The following CLSTN2 variants were observed in gnomAD, a reference collection of about 807,000 sequenced individuals.
The protein encoded by CLSTN2 is calsyntenin 2.
A neutral mutation model predicts 101.2 loss-of-function variants in CLSTN2; 48 were observed. The ratio of observed to expected loss-of-function variants is 0.47; its 90% confidence interval spans 0.38 to 0.60. CLSTN2 has a LOEUF of 0.60. Ranked by LOEUF, CLSTN2 falls within the 20% of genes least tolerant of loss-of-function variation. The pLI, the probability that CLSTN2 is intolerant of heterozygous loss-of-function variation, is 0.00. For synonymous variants in CLSTN2, 481 were observed against 463.6 expected, an observed-to-expected ratio of 1.04 and a Z score of -0.48; for missense variants, 1,160 against 1,238.2, an observed-to-expected ratio of 0.94 and a Z score of 0.95.
At chr3:140,435,125 T>C (rs2088673310) in intron 5 of CLSTN2, among the ~76,000 whole-genome samples, 1 of 152,210 alleles carries the variant, frequency 6.6e-6, no homozygotes, top group Non-Finnish European at 1.5e-5. Context: ...TTGACTATAG[T>C]CACCTTCCTC....
chr3:140,092,481 T>C (rs2008795358), intron 1 of CLSTN2, among the ~76,000 whole-genome samples: 1 of 152,178 alleles, frequency 6.6e-6, no homozygotes, highest in South Asian at 2.1e-4. Context: ...ATTTTATTCA[T>C]GGGCAATTAA....
intron 8 of CLSTN2, among the ~76,000 whole-genome samples, chr3:140,484,983 C>T (rs1934206306): frequency 6.6e-6 from 1 of 152,190 alleles, no homozygotes; most frequent in Non-Finnish European, 1.5e-5. Flanking sequence ...CTCCGTCCAG[C>T]TTTGTTCCAT....
At chr3:140,071,629 A>G (rs926443353) in intron 1 of CLSTN2, among the ~76,000 whole-genome samples, 2 of 152,126 alleles carry the variant, frequency 1.3e-5, no homozygotes, top group African/African-American at 4.8e-5. Flanking sequence ...CAGGAAATTG[A>G]GACCATCCTG....
chr3:140,533,292 A>T (rs1262526592), intron 9 of CLSTN2, among the ~76,000 whole-genome samples: 1 of 152,172 alleles, frequency 6.6e-6, no homozygotes, highest in African/African-American at 2.4e-5. Context: ...ATGCTCCCCA[A>T]ATAAGCAGAT....
intron 8 of CLSTN2, among the ~76,000 whole-genome samples, chr3:140,488,866 G>C (rs482098): frequency 6.6e-6 from 1 of 151,874 alleles, no homozygotes; most frequent in Non-Finnish European, 1.5e-5. Context: ...AATAAGCCTA[G>C]ATCTGATTGG....
At chr3:140,159,863 A>C (rs2010017887) in intron 1 of CLSTN2, among the ~76,000 whole-genome samples, 2 of 152,190 alleles carry the variant, frequency 1.3e-5, no homozygotes, top group African/African-American at 4.8e-5. Context: ...CCTTTGCAGC[A>C]ACATGAATGC....
chr3:140,175,214 T>A (rs1178962993), intron 1 of CLSTN2, among the ~76,000 whole-genome samples: 2 of 152,218 alleles, frequency 1.3e-5, no homozygotes, highest in African/African-American at 2.4e-5. Context: ...GTATTTTTTT[T>A]ATGTAGAGGA....
chr3:140,349,209 C>T (rs915687108), intron 2 of CLSTN2, among the ~76,000 whole-genome samples: 8 of 152,184 alleles, frequency 5.3e-5, no homozygotes, highest in African/African-American at 1.7e-4. Context: ...TTGTAAGTTT[C>T]CTGAGGCCTC....
At chr3:140,169,957 G>A (rs985870731) in intron 1 of CLSTN2, among the ~76,000 whole-genome samples, 7 of 152,120 alleles carry the variant, frequency 4.6e-5, no homozygotes, top group Non-Finnish European at 7.3e-5. Context: ...TTTTACAAAT[G>A]AAGAATGAGT....
intron 2 of CLSTN2, among the ~76,000 whole-genome samples, chr3:140,224,151 T>G (rs1484297027): frequency 6.6e-6 from 1 of 152,204 alleles, no homozygotes; most frequent in Non-Finnish European, 1.5e-5. Flanking sequence ...AGTGGAACAG[T>G]TACCAGCATT....
At chr3:140,206,502 G>A (rs1031482617) in intron 2 of CLSTN2, among the ~76,000 whole-genome samples, 46 of 152,162 alleles carry the variant, frequency 3.0e-4, no homozygotes, top group Admixed American at 8.5e-4. Context: ...GCTGGCTCTG[G>A]CTTCTTAATA....
chr3:140,311,972 A>T (rs191574630), intron 2 of CLSTN2, among the ~76,000 whole-genome samples: 1 of 152,222 alleles, frequency 6.6e-6, no homozygotes, highest in Non-Finnish European at 1.5e-5. Context: ...GTGTTCTTCA[A>T]TTCTCATTAG....
chr3:139,997,326 C>T (rs1185671556), intron 1 of CLSTN2, among the ~76,000 whole-genome samples: 2 of 108,810 alleles, frequency 1.8e-5, no homozygotes, highest in Non-Finnish European at 3.6e-5. Context: ...ATTTTCTGCT[C>T]ATTCTGCTTC....
chr3:140,271,168 G>A (rs1193311122), intron 2 of CLSTN2, among the ~76,000 whole-genome samples: 2 of 151,882 alleles, frequency 1.3e-5, no homozygotes, highest in Admixed American at 6.6e-5. Context: ...CATTGCATTC[G>A]GTGACCATTC....
intron 1 of CLSTN2, among the ~76,000 whole-genome samples, chr3:139,993,612 C>A (rs1343301530): frequency 6.6e-6 from 1 of 152,182 alleles, no homozygotes; most frequent in Non-Finnish European, 1.5e-5. Flanking sequence ...CCATGCCCCA[C>A]CCTGCCAAAA....
chr3:140,345,450 A>C (rs1413206403), intron 2 of CLSTN2, among the ~76,000 whole-genome samples: 1 of 151,638 alleles, frequency 6.6e-6, no homozygotes, highest in Non-Finnish European at 1.5e-5. Context: ...GGGTCTCACT[A>C]TGTTGACCAG....
At chr3:140,536,146 C>T (rs72632314) in intron 9 of CLSTN2, among the ~76,000 whole-genome samples, 9,534 of 152,098 alleles carry the variant, frequency 0.063, 576 homozygotes, top group East Asian at 0.23. Context: ...CAAATCAAAT[C>T]CCAGCCTTGC....
chr3:140,130,138 T>C (rs755290035), intron 1 of CLSTN2, among the ~76,000 whole-genome samples: 52 of 152,146 alleles, frequency 3.4e-4, no homozygotes, highest in Non-Finnish European at 4.4e-4. Context: ...GGAGGAGGGC[T>C]GGGGGCAGAG....
intron 1 of CLSTN2, among the ~76,000 whole-genome samples, chr3:139,985,435 G>A (rs1378787126): frequency 6.6e-6 from 1 of 152,124 alleles, no homozygotes; most frequent in African/African-American, 2.4e-5. Flanking sequence ...CTCTCAGCTT[G>A]ATAAAAGTCA....
Sources: gnomAD v4.1 joint callset for allele counts (sites outside exome capture counted in the v4.1 genomes callset) on GRCh38, gnomAD v4.1.1 for gene constraint, MANE v1.5 for transcripts, NCBI Gene and HGNC (gene_info 2026-07-23, HGNC 2026-07-21) for gene names.